REC114: variants seen among roughly 807,000 people sequenced by gnomAD.
REC114 encodes meiotic recombination protein REC114.
A neutral mutation model predicts 31.3 loss-of-function variants in REC114; 27 were observed. The observed-to-expected ratio is 0.86, with a 90% confidence interval of 0.64 to 1.19. REC114 has a LOEUF of 1.19. Ranked by LOEUF, REC114 falls within the 50% of genes most tolerant of loss-of-function variation. The probability of loss-of-function intolerance (pLI) is 0.00; values close to 1 mark genes in which losing one functional copy is unlikely to be tolerated. For synonymous variants in REC114, 134 were observed against 127.7 expected (o/e 1.05, Z -0.33); for missense variants, 344 against 326.9 (o/e 1.05, Z -0.40).
At chr15:73,492,657 A>T (rs563283027) in intron 2 of REC114, among the ~76,000 whole-genome samples, 122 of 152,324 alleles carry the variant, frequency 8.0e-4, no homozygotes, top group Non-Finnish European at 1.7e-3. Context: ...GATGCCGATT[A>T]TACTCATCTA....
chr15:73,467,329 C>A (rs1253781609), intron 1 of REC114, among the ~76,000 whole-genome samples: 1 of 152,164 alleles, frequency 6.6e-6, no homozygotes, highest in Non-Finnish European at 1.5e-5. Flanking sequence ...TTTATAAATT[C>A]TCTACAGACC....
In REC114 at chr15:73,465,224, G is replaced by A. The variant is rs1893041267; in HGVS notation, c.160-8608G>A. ...GGTCTTAATAATTGCTTAAGGAAAG[G>A]TAAATGGCATTTGGATTGGATTTGG... On this transcript the variant is annotated intron_variant, in intron 1 of 5. Transcript: ENST00000331090. 2.0e-5 allele frequency among the ~76,000 whole-genome samples: 3 copies of A among 152,154 alleles called. No homozygotes were observed. In the South Asian group the frequency reaches 6.2e-4, roughly 32 times the overall value.
At chr15:73,547,619 T>C (rs1458443475) in intron 3 of REC114, among the ~76,000 whole-genome samples, 6 of 152,318 alleles carry the variant, frequency 3.9e-5, no homozygotes, top group Admixed American at 1.3e-4. Context: ...CTATTCACTA[T>C]AGCCAAGATA....
intron 3 of REC114, 87 bp downstream of exon 3, chr15:73,540,655 C>T (rs765587169): frequency 3.7e-5 from 41 of 1,105,032 alleles, no homozygotes; most frequent in South Asian, 1.6e-4. Context: ...TGGTAGGTGA[C>T]GGGTACTGGG....
At chr15:73,475,435 A>G (rs1432282601) in intron 2 of REC114, among the ~76,000 whole-genome samples, 1 of 152,178 alleles carries the variant, frequency 6.6e-6, no homozygotes, top group African/African-American at 2.4e-5. Flanking sequence ...GGGCTGAAAA[A>G]TTCCTATCAC....
chr15:73,558,380 G>C (rs954809893), intron 5 of REC114, among the ~76,000 whole-genome samples: 55 of 152,206 alleles, frequency 3.6e-4, no homozygotes, highest in Non-Finnish European at 6.3e-4. Context: ...CACAGAACTG[G>C]AGCCCATCAT....
intron 3 of REC114, among the ~76,000 whole-genome samples, chr15:73,544,662 G>A (rs1266245282): frequency 6.6e-6 from 1 of 152,104 alleles, no homozygotes; most frequent in Non-Finnish European, 1.5e-5. Context: ...AGTAACTCAC[G>A]GAGGAGTTTT....
At position 73,556,354 on chromosome 15, in the gene REC114, C is replaced by T. The variant is rs1176358527; in HGVS notation, c.599C>T (p.Ala200Val). The change falls in exon 5 of 6, where the codon GCT becomes GTT. Residue 200 changes from alanine to valine, a missense_variant. Coordinates refer to ENST00000331090, the MANE Select transcript of REC114 (RefSeq NM_001042367.2). ...QQVCVTAGTG[A>V]PDGRTSLTQL... is the part of the protein sequence containing the mutation. ...GTGTGTGTAACAGCGGGCACAGGCG[C>T]TCCAGACGGAAGGACCTCACTGACG... 3 of 1,613,700 alleles carry T rather than the reference C, an allele frequency of 1.9e-6. No individual in the cohort carries two copies. The African/African-American group carries it at 4.0e-5, about 22-fold the overall frequency.
rs555227846 is a variant in REC114 at position 73,463,991 on chromosome 15, G to C, written c.160-9841G>C. ...TTAATGCCTGGAACTTAAACCGTTT[G>C]TATCTTCAGTCTCACTTCTTTCTGC... On this transcript the variant is annotated intron_variant, in intron 1 of 5. Coordinates refer to ENST00000331090, the MANE Select transcript of REC114 (RefSeq NM_001042367.2). 4.6e-5 allele frequency among the ~76,000 whole-genome samples: 7 copies of C among 152,166 alleles called. No individual in the cohort carries two copies. The East Asian group carries it at 1.4e-3, about 29-fold the overall frequency.
chr15:73,504,682 T>TG (rs2141310628), intron 2 of REC114, among the ~76,000 whole-genome samples: 1 of 152,296 alleles, frequency 6.6e-6, no homozygotes, highest in African/African-American at 2.4e-5. Context: ...TGGTGGAGGT[T>TG]GGGGTAGAGA....
intron 1 of REC114, among the ~76,000 whole-genome samples, chr15:73,466,953 G>T (rs1893069760): frequency 1.3e-5 from 2 of 152,184 alleles, no homozygotes; most frequent in African/African-American, 2.4e-5. Context: ...GGAGGGAAAA[G>T]CCAACTGCAT....
chr15:73,481,569 C>T (rs1047576838), intron 2 of REC114, among the ~76,000 whole-genome samples: 2 of 151,372 alleles, frequency 1.3e-5, no homozygotes, highest in Non-Finnish European at 2.9e-5. Flanking sequence ...CAGATTCTCC[C>T]TTGGCCGTTT....
intron 2 of REC114, among the ~76,000 whole-genome samples, chr15:73,482,847 T>G (rs1275602056): frequency 6.6e-6 from 1 of 152,214 alleles, no homozygotes; most frequent in Non-Finnish European, 1.5e-5. Context: ...AATTTGGATA[T>G]GTACTCATAA....
intron 2 of REC114, among the ~76,000 whole-genome samples, chr15:73,475,611 T>A (rs1403542919): frequency 1.3e-5 from 2 of 152,358 alleles, no homozygotes; most frequent in African/African-American, 2.4e-5. Context: ...AAATGTTTTT[T>A]AAAATTTTTT....
At chr15:73,503,662 C>T (rs1358566584) in intron 2 of REC114, among the ~76,000 whole-genome samples, 1 of 152,084 alleles carries the variant, frequency 6.6e-6, no homozygotes, top group Non-Finnish European at 1.5e-5. Context: ...AATGGGATCT[C>T]ATGTTTTAAA....
chr15:73,540,104 C>T (rs1894218260), intron 2 of REC114, among the ~76,000 whole-genome samples: 1 of 151,952 alleles, frequency 6.6e-6, no homozygotes, highest in South Asian at 2.1e-4. Flanking sequence ...AGAGACGTGC[C>T]AGATAAGTTA....
intron 2 of REC114, among the ~76,000 whole-genome samples, chr15:73,479,872 A>G (rs181851478): frequency 5.9e-5 from 9 of 152,270 alleles, no homozygotes; most frequent in Admixed American, 5.9e-4. Flanking sequence ...TATCTCGACT[A>G]TTGTTAATAA....
At chr15:73,465,909 T>A (rs1893050650) in intron 1 of REC114, among the ~76,000 whole-genome samples, 1 of 152,204 alleles carries the variant, frequency 6.6e-6, no homozygotes. Flanking sequence ...TGGAGTGCAG[T>A]GGCGCGATCT....
At chr15:73,468,941 A>G (rs2141291106) in intron 1 of REC114, among the ~76,000 whole-genome samples, 1 of 151,932 alleles carries the variant, frequency 6.6e-6, no homozygotes, top group South Asian at 2.1e-4. Flanking sequence ...GCTTTTTTTC[A>G]GAGACCTGTT....
Sources: gnomAD v4.1 joint callset for allele counts (sites outside exome capture counted in the v4.1 genomes callset) on GRCh38, gnomAD v4.1.1 for gene constraint, MANE v1.5 for transcripts, NCBI Gene and HGNC (gene_info 2026-07-23, HGNC 2026-07-21) for gene names.